Variants in OLFML2B observed in about 807,000 individuals in gnomAD.
OLFML2B encodes the protein olfactomedin like 2B, also known as olfactomedin-like protein 2B.
A neutral mutation model predicts 74.9 loss-of-function variants in OLFML2B; 57 were observed. The observed-to-expected ratio is 0.76, with a 90% CI of 0.61 to 0.95. OLFML2B has a LOEUF of 0.95. Ranked by LOEUF, OLFML2B falls within the 40% of genes least tolerant of loss-of-function variation. The pLI, the probability that OLFML2B is intolerant of heterozygous loss-of-function variation, is 0.00. For synonymous variants in OLFML2B, 388 were observed against 405.8 expected, an observed-to-expected ratio of 0.96 and a Z score of 0.53; for missense variants, 986 against 970.6, an observed-to-expected ratio of 1.02 and a Z score of -0.21.
At chr1:162,016,496 T>C (rs1373934590) in intron 3 of OLFML2B, among the ~76,000 whole-genome samples, 2 of 152,224 alleles carry the variant, frequency 1.3e-5, no homozygotes, top group Admixed American at 6.5e-5. Flanking sequence ...TTACAGTCAT[T>C]GTGTTATTAA....
Position 161,984,962 on chromosome 1 carries a change from A to G in OLFML2B, c.1493T>C (p.Leu498Pro). 6.2e-7 allele frequency: 1 copy of G among 1,605,734 alleles called. No individual in the cohort carries two copies. Among genetic ancestry groups the G allele is most frequent in the Non-Finnish European group, 8.5e-7 (1 of 1,177,064 alleles). ...RNVIGRCKDT[L>P]STITGPTTQN... The stretch of plus-strand genomic sequence containing the variant: ...GGTGGTCGGCCCCGTGATTGTGGAG[A>G]GAGTGTCCTTGCACCTTCCTGGTGG... Residue 498 changes from leucine (L) to proline (P), a missense_variant, in exon 7 of 8, where the codon CTC becomes CCC. Coordinates refer to ENST00000294794, the MANE Select transcript of OLFML2B (RefSeq NM_015441.3).
At chr1:162,022,528 C>T (rs896706627) in intron 1 of OLFML2B, among the ~76,000 whole-genome samples, 3 of 152,050 alleles carry the variant, frequency 2.0e-5, no homozygotes, top group African/African-American at 7.2e-5. Flanking sequence ...GGATTACAGG[C>T]GTGAGCCACC....
At chr1:162,004,119 C>T (rs545816052) in intron 4 of OLFML2B, among the ~76,000 whole-genome samples, 126 of 152,288 alleles carry the variant, frequency 8.3e-4, no homozygotes, top group Non-Finnish European at 1.5e-3. Context: ...TAAGCTCAGC[C>T]GACTGGGAAA....
Position 161,984,086 on chromosome 1 carries a change from C to G in OLFML2B, c.1842G>C (p.Trp614Cys). The change falls in exon 8 of 8, where the codon TGG (tryptophan) becomes TGC (cysteine). Residue 614 changes from tryptophan to cysteine, a missense_variant. Physicochemically the swap from Trp to Cys is radical, Grantham distance 215. Coordinates refer to ENST00000294794, the MANE Select transcript of OLFML2B (RefSeq NM_015441.3). ...CAAAGTCCACGTCTGAGTGGCCCTGCCATCGCCAGGGGGTGGCCTCCTCGT... is the reference window on the plus strand; with the variant it reads ...CAAAGTCCACGTCTGAGTGGCCCTGGCATCGCCAGGGGGTGGCCTCCTCGT... ...VAYEEATPWR[W>C]QGHSDVDFAV... 1 of 1,612,724 alleles carries G rather than the reference C, an allele frequency of 6.2e-7. No individual in the cohort carries two copies. Among genetic ancestry groups the G allele is most frequent in the South Asian group, 1.1e-5 (1 of 90,938 alleles).
chr1:162,000,342 C>T lies in OLFML2B; in HGVS notation c.724-4G>A. 10 of 1,611,034 alleles carry T rather than the reference C, an allele frequency of 6.2e-6. No individual in the cohort carries two copies. The highest frequency in any genetic ancestry group is 8.5e-6 in the Non-Finnish European group (10 of 1,179,570). On this transcript the variant is annotated splice_region_variant and splice_polypyrimidine_tract_variant and intron_variant, in intron 4 of 7. Coordinates refer to ENST00000294794, the MANE Select transcript of OLFML2B (RefSeq NM_015441.3). ...CCTGCAGAAACCGCTCTTCATACTG[C>T]TCCTCAGAGGGGACACAAGGGAAGG... is the stretch of plus-strand genomic sequence containing the variant.
rs898298696 is a variant in OLFML2B at position 162,017,564 on chromosome 1, G to T, written c.439-57C>A. The stretch of plus-strand genomic sequence containing the variant: ...CTGGGGCACACAGACACAGGGCAGA[G>T]TTTCCTTTCAGATCTGCATACTGGG... On this transcript the variant is annotated intron_variant, in intron 2 of 7. Transcript: ENST00000294794. 1.1e-5 allele frequency: 14 copies of T among 1,323,614 alleles called. No homozygotes were observed. The African/African-American group carries it at 1.8e-4, about 17-fold the overall frequency. The allele number at this position is 1,323,614 out of a possible 1,614,324, so 82.0% of individuals were successfully genotyped here. A position where few individuals can be genotyped will look rare whatever the true frequency, so the allele number is the denominator to read the frequency against.
chr1:161,999,891 A>G (rs555158950), intron 5 of OLFML2B, among the ~76,000 whole-genome samples: 5 of 152,198 alleles, frequency 3.3e-5, no homozygotes, highest in Non-Finnish European at 5.9e-5. Flanking sequence ...ACACTCTGCC[A>G]TATGGTCTTC....
chr1:162,012,776 A>G (rs1690427860), intron 3 of OLFML2B, among the ~76,000 whole-genome samples: 1 of 152,132 alleles, frequency 6.6e-6, no homozygotes, highest in South Asian at 2.1e-4. Context: ...GCACTTATAA[A>G]CACTTACAGG....
chr1:161,998,872 A>T (rs1274509375), intron 5 of OLFML2B, among the ~76,000 whole-genome samples: 2 of 152,214 alleles, frequency 1.3e-5, no homozygotes, highest in African/African-American at 4.8e-5. Context: ...AGTGGTGAGG[A>T]TGAGACTCAT....
chr1:161,984,816 T>C lies in OLFML2B; in HGVS notation c.1639A>G (p.Asn547Asp). 1 of 1,613,548 alleles carries C rather than the reference T, an allele frequency of 6.2e-7. No individual in the cohort carries two copies. Among genetic ancestry groups the C allele is most frequent in the Non-Finnish European group, 8.5e-7 (1 of 1,179,830 alleles). Residue 547 changes from asparagine (N) to aspartate (D), a missense_variant, in exon 7 of 8, where the codon AAC becomes GAC. Coordinates refer to ENST00000294794, the MANE Select transcript of OLFML2B (RefSeq NM_015441.3). Reference sequence around the variant, plus strand: ...CTTTATCATGTACCTTGTTTGAAGTTCTCCAGGTTCCGGAACTCTACCAGG... The same window carrying C: ...CTTTATCATGTACCTTGTTTGAAGTCCTCCAGGTTCCGGAACTCTACCAGG... The part of the protein sequence containing the change: ...NTLVEFRNLE[N>D]FKQGRWSNSY...
intron 3 of OLFML2B, among the ~76,000 whole-genome samples, chr1:162,015,628 C>T (rs1690507241): frequency 6.6e-6 from 1 of 152,134 alleles, no homozygotes; most frequent in East Asian, 1.9e-4. Flanking sequence ...CAATATTGGA[C>T]CTTGGTTTAA....
intron 1 of OLFML2B, among the ~76,000 whole-genome samples, chr1:162,020,840 G>A (rs535689724): frequency 1.3e-5 from 2 of 152,318 alleles, no homozygotes; most frequent in African/African-American, 2.4e-5. Context: ...GTGTAAAAAG[G>A]AAAAGAAGAA....
At position 161,998,243 on chromosome 1, in the gene OLFML2B, G is replaced by T. The variant is rs1290077636; in HGVS notation, c.1056C>A (p.Thr352=). The T allele has an allele frequency of 6.2e-7, 1 of 1,611,984 alleles. No homozygotes were observed. Among genetic ancestry groups the T allele is most frequent in the Non-Finnish European group, 8.5e-7 (1 of 1,178,408 alleles). Residue 352 remains threonine, a synonymous_variant, in exon 6 of 8, where the codon ACC becomes ACA. Transcript: ENST00000294794. The part of the protein sequence containing the change: ...MTSVTRRPAA[T]RQGHSTAVTS... ...TCACAGCAGTGCTGTGTCCCTGACG[G>T]GTGGCTGCAGGCCTCCGGGTGACAC...
intron 6 of OLFML2B, among the ~76,000 whole-genome samples, chr1:161,988,142 CAGGGCTGCCA>C (rs1181123456): frequency 6.6e-6 from 1 of 152,170 alleles, no homozygotes; most frequent in Non-Finnish European, 1.5e-5. Flanking sequence ...TTTCCCAGAG[CAGGGCTGCCA>C]AGGATGCCGG....
At chr1:162,003,755 C>A (rs534684223) in intron 4 of OLFML2B, among the ~76,000 whole-genome samples, 1 of 152,182 alleles carries the variant, frequency 6.6e-6, no homozygotes, top group Non-Finnish European at 1.5e-5. Context: ...TTAACACTCA[C>A]CATTCCAAGA....
At chr1:161,997,716 C>T in intron 6 of OLFML2B, 109 bp downstream of exon 6, 2 of 1,186,308 alleles carry the variant, frequency 1.7e-6, no homozygotes, top group Non-Finnish European at 2.4e-6. Context: ...TTGCCATTCC[C>T]ATAAAGAACT....
intron 6 of OLFML2B, among the ~76,000 whole-genome samples, chr1:161,990,404 C>T (rs1242272291): frequency 2.0e-5 from 3 of 152,050 alleles, no homozygotes; most frequent in Non-Finnish European, 2.9e-5. Flanking sequence ...TGTAATAAAG[C>T]GAATATCATA....
chr1:161,997,640 T>C (rs935321730), intron 6 of OLFML2B, among the ~76,000 whole-genome samples, 185 bp downstream of exon 6: 1 of 152,206 alleles, frequency 6.6e-6, no homozygotes, highest in Admixed American at 6.5e-5. Context: ...CCCTTGCCAC[T>C]GGCACATTTT....
Position 161,998,352 on chromosome 1 carries a change from G to T in OLFML2B, c.950-3C>A. On this transcript the variant is annotated splice_polypyrimidine_tract_variant and splice_region_variant and intron_variant, in intron 5 of 7. Coordinates refer to ENST00000294794, the MANE Select transcript of OLFML2B (RefSeq NM_015441.3). ...GTCACCGCTGAAAAACTCATCTTCT[G>T]TGAAACAAACACAAGGTTCACTGTG... 6.5e-7 allele frequency: 1 copy of T among 1,544,222 alleles called. No homozygotes were observed. The highest frequency in any genetic ancestry group is 8.8e-7 in the Non-Finnish European group (1 of 1,140,730).
Sources: gnomAD v4.1 joint callset for allele counts (sites outside exome capture counted in the v4.1 genomes callset) on GRCh38, gnomAD v4.1.1 for gene constraint, MANE v1.5 for transcripts, NCBI Gene and HGNC (gene_info 2026-07-23, HGNC 2026-07-21) for gene names.